The following HEPACAM2 variants were observed in gnomAD, a reference collection of about 807,000 sequenced individuals.
HEPACAM2 encodes the protein mitotic kinetics regulator.
In HEPACAM2, 49 loss-of-function variants were observed where a neutral mutation model predicts 49.6. The ratio of observed to expected loss-of-function variants is 0.99; its 90% confidence interval spans 0.78 to 1.25. The LOEUF (loss-of-function observed/expected upper bound fraction) is 1.25. Among genes scored for constraint, HEPACAM2 ranks in the 50% most tolerant of loss-of-function variants. The pLI, the probability that HEPACAM2 is intolerant of heterozygous loss-of-function variation, is 0.00. For synonymous variants in HEPACAM2, 197 were observed against 202.9 expected, an observed-to-expected ratio of 0.97 and a Z score of 0.25; for missense variants, 525 against 557.2, an observed-to-expected ratio of 0.94 and a Z score of 0.58.
At chr7:93,189,679 T>C (rs913000270) in intron 9 of HEPACAM2, among the ~76,000 whole-genome samples, 1 of 151,924 alleles carries the variant, frequency 6.6e-6, no homozygotes, top group Non-Finnish European at 1.5e-5. Flanking sequence ...GCAGTCCAAT[T>C]AGGTAATAGA....
intron 4 of HEPACAM2, among the ~76,000 whole-genome samples, chr7:93,203,328 G>A (rs75942832): frequency 6.6e-6 from 1 of 152,130 alleles, no homozygotes; most frequent in Non-Finnish European, 1.5e-5. Context: ...CACAAAAAGT[G>A]CCAAATATGT....
At chr7:93,227,794 T>A (rs1402738907), upstream of HEPACAM2, among the ~76,000 whole-genome samples, 2 of 152,194 alleles carry the variant, frequency 1.3e-5, no homozygotes, top group Non-Finnish European at 2.9e-5. Flanking sequence ...ATCTTTATTT[T>A]ATTGGATGTT....
chr7:93,214,077 T>C (rs1276855288), intron 3 of HEPACAM2, among the ~76,000 whole-genome samples: 1 of 152,068 alleles, frequency 6.6e-6, no homozygotes, highest in Non-Finnish European at 1.5e-5. Flanking sequence ...AGGGCTAAAA[T>C]AGTGATAGCA....
At chr7:93,196,248 C>A (rs1047946936) in intron 7 of HEPACAM2, among the ~76,000 whole-genome samples, 2 of 152,148 alleles carry the variant, frequency 1.3e-5, no homozygotes, top group African/African-American at 4.8e-5. Context: ...CACACCAGTT[C>A]TTGATCCACC....
chr7:93,224,679 T>C (rs1329763004), intron 1 of HEPACAM2, among the ~76,000 whole-genome samples: 1 of 152,166 alleles, frequency 6.6e-6, no homozygotes, highest in Non-Finnish European at 1.5e-5. Context: ...TTTCATTGTA[T>C]TGAATATAAA....
At chr7:93,208,270 C>T (rs1346844646) in intron 4 of HEPACAM2, among the ~76,000 whole-genome samples, 1 of 151,974 alleles carries the variant, frequency 6.6e-6, no homozygotes, top group Non-Finnish European at 1.5e-5. Flanking sequence ...AAATGAACAG[C>T]CTGTTTCTCT....
chr7:93,192,251 T>G lies in HEPACAM2; in HGVS notation c.1385+3A>C. 6.2e-7 allele frequency: 1 copy of G among 1,605,674 alleles called. No individual in the cohort carries two copies. The highest frequency in any genetic ancestry group is 1.1e-5 in the South Asian group (1 of 90,806). On this transcript the variant is annotated splice_donor_region_variant and intron_variant, in intron 9 of 9. Coordinates refer to ENST00000394468, the MANE Select transcript of HEPACAM2 (RefSeq NM_001039372.4). ...GCACCATCAAATGCAGATTCGTACTTACTCTGGATGGTCTTGCTGCTGGGC... is the reference window on the plus strand; with the variant it reads ...GCACCATCAAATGCAGATTCGTACTGACTCTGGATGGTCTTGCTGCTGGGC...
intron 3 of HEPACAM2, 79 bp downstream of exon 3, chr7:93,215,322 T>C: frequency 2.2e-6 from 3 of 1,347,768 alleles, no homozygotes; most frequent in Non-Finnish European, 3.1e-6. Context: ...CTGGTACTTA[T>C]ATTCTCTGTG....
At chr7:93,210,738 G>C (rs1794158617) in intron 3 of HEPACAM2, among the ~76,000 whole-genome samples, 1 of 151,860 alleles carries the variant, frequency 6.6e-6, no homozygotes, top group African/African-American at 2.4e-5. Context: ...TTTTTTAAAA[G>C]TATAAGCTAT....
intron 4 of HEPACAM2, among the ~76,000 whole-genome samples, chr7:93,202,724 A>T (rs184515118): frequency 1.1e-4 from 16 of 152,174 alleles, no homozygotes; most frequent in Admixed American, 2.0e-4. Context: ...TTCCCTCTTA[A>T]ACTTGAACAT....
intron 9 of HEPACAM2, 25 bp downstream of exon 9, chr7:93,192,229 C>A: frequency 6.5e-7 from 1 of 1,529,162 alleles, no homozygotes; most frequent in South Asian, 1.1e-5. Context: ...CTCCATAGCA[C>A]CATCAAATGC....
At chr7:93,223,981 A>C (rs897554975) in intron 1 of HEPACAM2, among the ~76,000 whole-genome samples, 6 of 152,202 alleles carry the variant, frequency 3.9e-5, no homozygotes, top group African/African-American at 1.4e-4. Flanking sequence ...CATGCTGTCA[A>C]ACACAGTAGT....
chr7:93,223,121 G>C (rs1381129758), intron 1 of HEPACAM2, among the ~76,000 whole-genome samples: 1 of 152,200 alleles, frequency 6.6e-6, no homozygotes, highest in Non-Finnish European at 1.5e-5. Context: ...ATTAGGCTGA[G>C]AAGGTCTGAA....
intron 4 of HEPACAM2, among the ~76,000 whole-genome samples, chr7:93,199,002 A>G (rs1793810138): frequency 6.6e-6 from 1 of 152,034 alleles, no homozygotes; most frequent in South Asian, 2.1e-4. Flanking sequence ...GAGTAAACAC[A>G]TCATGGAAAT....
intron 4 of HEPACAM2, among the ~76,000 whole-genome samples, chr7:93,203,559 C>T (rs1421297380): frequency 6.6e-6 from 1 of 152,152 alleles, no homozygotes; most frequent in Admixed American, 6.6e-5. Context: ...TAGCACATAG[C>T]ATGCCATTCT....
At chr7:93,217,876 CTGTGTGTGTG>C (rs138044928) in intron 2 of HEPACAM2, among the ~76,000 whole-genome samples, 30 of 140,180 alleles carry the variant, frequency 2.1e-4, no homozygotes, top group South Asian at 7.2e-4. Context: ...GCATGTGTGT[CTGTGTGTGTG>C]TGTGTGTGTG....
At chr7:93,232,031 C>T in the HEPACAM2 span, among the ~76,000 whole-genome samples, 1 of 152,106 alleles carries the variant, frequency 6.6e-6, no homozygotes, top group Admixed American at 6.5e-5. Context: ...TCCTCCCTCA[C>T]ACTCCTAGGG....
upstream of HEPACAM2, among the ~76,000 whole-genome samples, chr7:93,228,492 C>T (rs4729076): frequency 0.23 from 34,518 of 151,982 alleles, 5,864 homozygotes; most frequent in East Asian, 0.5. Context: ...AACATGTTTA[C>T]ACAGGAAGTG....
At chr7:93,223,975 C>T (rs1233360263) in intron 1 of HEPACAM2, among the ~76,000 whole-genome samples, 1 of 152,138 alleles carries the variant, frequency 6.6e-6, no homozygotes, top group African/African-American at 2.4e-5. Context: ...TGAATTCATG[C>T]TGTCAAACAC....
Sources: gnomAD v4.1 joint callset for allele counts (sites outside exome capture counted in the v4.1 genomes callset) on GRCh38, gnomAD v4.1.1 for gene constraint, MANE v1.5 for transcripts, NCBI Gene and HGNC (gene_info 2026-07-23, HGNC 2026-07-21) for gene names.